UTRN: variants seen among roughly 807,000 people sequenced by gnomAD.
UTRN encodes dystrophin-related protein 1.
Under a neutral mutation model 463.9 loss-of-function variants are expected in UTRN, and 283 were observed. That is an observed-to-expected ratio of 0.61 (90% CI 0.55 to 0.67). The LOEUF is 0.67. Among genes scored for constraint, UTRN ranks in the 30% least tolerant of loss-of-function variants. The pLI, the probability that UTRN is intolerant of heterozygous loss-of-function variation, is 0.00. For missense variants in UTRN, 3,922 were observed against 4,084.3 expected (o/e 0.96, Z 1.08); for synonymous variants, 1,442 against 1,431.5 (o/e 1.01, Z -0.17).
chr6:144,490,285 C>T (rs915239482), intron 31 of UTRN, 86 bp downstream of exon 31: 92 of 1,508,754 alleles, frequency 6.1e-5, no homozygotes, highest in East Asian at 1.4e-4. Flanking sequence ...ACTTGGGCAC[C>T]GTTTGTATTC....
chr6:144,793,936 T>C lies in UTRN; in HGVS notation c.9023T>C (p.Val3008Ala). 6.2e-7 allele frequency: 1 copy of C among 1,614,108 alleles called. No homozygotes were observed. Among genetic ancestry groups the C allele is most frequent in the Middle Eastern group, 1.6e-4 (1 of 6,062 alleles). ...CAGATCCCCCGGCAGCTAGGTGAAG[T>C]AGCAGCTTTTGGAGGCAGTAATATT... Reference protein sequence around the residue: ...AIQIPRQLGEVAAFGGSNIEP... With the variant: ...AIQIPRQLGEAAAFGGSNIEP... The change falls in exon 63 of 75, where the codon GTA (valine) becomes GCA (alanine). Residue 3008 changes from valine (V) to alanine (A), a missense_variant. Val to Ala is a moderately conservative substitution (Grantham distance 64). Transcript: ENST00000367545.
chr6:144,649,573 G>C (rs574773369), intron 51 of UTRN, among the ~76,000 whole-genome samples: 156 of 152,218 alleles, frequency 1.0e-3, no homozygotes, highest in African/African-American at 3.5e-3. Context: ...TTGGGGGTTG[G>C]AATATGGAGA....
chr6:144,751,785 T>C, intron 55 of UTRN, 21 bp from the exon 56 acceptor site: 1 of 1,583,712 alleles, frequency 6.3e-7, no homozygotes, highest in South Asian at 1.2e-5. Flanking sequence ...CAATAATATA[T>C]TTTTTGTTCT....
rs1203290064 is a variant in UTRN at position 144,754,765 on chromosome 6, G to A, written c.8401G>A (p.Asp2801Asn). ...RLKQLQEAHR[D>N]FGPSSQHFLS... ...TAAACAGCTTCAGGAAGCCCACAGA[G>A]ATTTTGGACCATCCTCTCAGCATTT... The change falls in exon 57 of 75, where the codon GAT becomes AAT. Residue 2801 changes from aspartate (D) to asparagine (N), a missense_variant. Asp to Asn is a conservative substitution (Grantham distance 23). Around this residue, in one of 3 missense-constraint regions of UTRN, gnomAD observed 1,309 missense variants for 1,452.6 expected, o/e 0.90. Transcript: ENST00000367545. 1.9e-6 allele frequency: 3 copies of A among 1,613,584 alleles called. No homozygotes were observed. The highest frequency in any genetic ancestry group is 1.3e-5 in the African/African-American group (1 of 74,998).
rs1178124164 is a variant in UTRN, at chr6:144,286,286, C to T, written c.-93+465C>T. Among the ~76,000 whole-genome samples the T allele has an allele frequency of 2.6e-5, 4 of 152,138 alleles. No homozygotes were observed. The highest frequency in any genetic ancestry group is 5.9e-5 in the Non-Finnish European group (4 of 68,026). On this transcript the variant is annotated intron_variant, in intron 1 of 74. Transcript: ENST00000367545. This position sits in a 1 kb window ranked among gnomAD's most constrained non-coding sequence, Gnocchi z 4.4. ...CCCGGGCCCGGGGAAGGCGGGGCTC[C>T]GGCGGTGTCCACAGGAGAGGGTGGG... is the stretch of plus-strand genomic sequence containing the variant.
chr6:144,744,799 C>T (rs1021253842), intron 54 of UTRN, among the ~76,000 whole-genome samples: 1 of 152,196 alleles, frequency 6.6e-6, no homozygotes, highest in Admixed American at 6.5e-5. Flanking sequence ...AGATTACCCT[C>T]TTATCACTGA....
At chr6:144,411,126 G>A (rs746409997) in intron 3 of UTRN, among the ~76,000 whole-genome samples, 2 of 152,146 alleles carry the variant, frequency 1.3e-5, no homozygotes, top group Non-Finnish European at 2.9e-5. Flanking sequence ...TCTACTTTTA[G>A]TTCTTTAAGG....
At chr6:144,542,678 G>C in intron 45 of UTRN, 117 bp from the exon 46 acceptor site, 1 of 1,005,184 alleles carries the variant, frequency 9.9e-7, no homozygotes, top group Non-Finnish European at 1.4e-6. Context: ...AGAAGTTTAG[G>C]TCGTTAGGGG....
chr6:144,382,541 A>C (rs537718890), intron 2 of UTRN, among the ~76,000 whole-genome samples: 2 of 152,264 alleles, frequency 1.3e-5, no homozygotes, highest in South Asian at 4.1e-4. Context: ...TTTTATTGAG[A>C]ATTAACCATG....
intron 9 of UTRN, among the ~76,000 whole-genome samples, chr6:144,433,427 G>A (rs1391216954): frequency 1.3e-5 from 2 of 151,942 alleles, no homozygotes; most frequent in South Asian, 2.1e-4. Flanking sequence ...CTTCCCAGAC[G>A]GGGTGGCTGC....
At chr6:144,448,916 C>A in intron 17 of UTRN, 147 bp downstream of exon 17, 1 of 928,582 alleles carries the variant, frequency 1.1e-6, no homozygotes, top group Non-Finnish European at 1.5e-6. Flanking sequence ...CTGAACCACT[C>A]ACTGCCCCTG....
intron 58 of UTRN, among the ~76,000 whole-genome samples, chr6:144,758,623 T>C (rs1384394922): frequency 1.3e-5 from 2 of 152,186 alleles, no homozygotes; most frequent in East Asian, 3.8e-4. Context: ...TGACATTTTA[T>C]AAGTTTTGTA....
rs537640641 is a variant in UTRN, at chr6:144,508,063, T to C, written c.4765-2881T>C. 5.9e-5 allele frequency among the ~76,000 whole-genome samples: 9 copies of C among 152,230 alleles called. No homozygotes were observed. In the South Asian group the frequency reaches 1.7e-3, roughly 28 times the overall value. On this transcript the variant is annotated intron_variant, in intron 34 of 74. Coordinates refer to ENST00000367545, the MANE Select transcript of UTRN (RefSeq NM_007124.3). ...GAGGGGAAAACTGCCTACTCAAGCC[T>C]CAGTAATGGTGGATGCCCCTCTCAC...
chr6:144,755,462 T>C (rs1039685323), intron 57 of UTRN, among the ~76,000 whole-genome samples: 8 of 152,214 alleles, frequency 5.3e-5, no homozygotes, highest in Admixed American at 1.3e-4. Context: ...TCAACCAGAT[T>C]GAGTTTAAAC....
chr6:144,837,959 T>G (rs1781242798), intron 71 of UTRN, among the ~76,000 whole-genome samples: 1 of 152,226 alleles, frequency 6.6e-6, no homozygotes, highest in Non-Finnish European at 1.5e-5. Flanking sequence ...TCTTACTTAG[T>G]GCCAGCCACA....
intron 2 of UTRN, among the ~76,000 whole-genome samples, chr6:144,361,609 A>T (rs1034535269): frequency 7.9e-5 from 12 of 152,040 alleles, no homozygotes; most frequent in African/African-American, 2.9e-4. Flanking sequence ...TCTTTTTTAG[A>T]GACAGTGTCT....
chr6:144,769,017 G>C (rs756665386), intron 58 of UTRN, among the ~76,000 whole-genome samples: 5 of 148,220 alleles, frequency 3.4e-5, no homozygotes, highest in Non-Finnish European at 7.4e-5. Context: ...CTTTTAAAGA[G>C]AGGATTTTTA....
At chr6:144,460,434 A>C (rs1789296716) in intron 21 of UTRN, among the ~76,000 whole-genome samples, 1 of 152,242 alleles carries the variant, frequency 6.6e-6, no homozygotes, top group Non-Finnish European at 1.5e-5. Context: ...GTATGTGTGC[A>C]TGCTAGGCAA....
chr6:144,640,255 C>G (rs1231504640), intron 51 of UTRN, among the ~76,000 whole-genome samples: 1 of 152,006 alleles, frequency 6.6e-6, no homozygotes, highest in East Asian at 1.9e-4. Flanking sequence ...AAGTAGTTCC[C>G]CACTGTGTCA....
Sources: gnomAD v4.1 joint callset for allele counts (sites outside exome capture counted in the v4.1 genomes callset) on GRCh38, gnomAD v4.1.1 for gene constraint, gnomAD v4.1.1 regional missense constraint, Gnocchi (gnomAD v3.1) non-coding constraint, MANE v1.5 for transcripts, NCBI Gene and HGNC (gene_info 2026-07-23, HGNC 2026-07-21) for gene names.